Variants in POLR2F observed in about 807,000 individuals in gnomAD.
The protein encoded by POLR2F is RNA polymerase II, I and III subunit F, also known as DNA-directed RNA polymerases I, II, and III subunit RPABC2.
Under a neutral mutation model 22.7 loss-of-function variants are expected in POLR2F, and 12 were observed. That is an observed-to-expected ratio of 0.53 (90% CI 0.34 to 0.86). The LOEUF is 0.86. POLR2F is among the 40% of genes least tolerant of loss of function. The pLI is 0.02. For synonymous variants in POLR2F, 57 were observed against 66.0 expected, an observed-to-expected ratio of 0.86 and a Z score of 0.66; for missense variants, 126 against 171.5, an observed-to-expected ratio of 0.73 and a Z score of 1.48.
At chr22:38,034,252 TG>T (rs2085094008) in intron 5 of POLR2F, 1 of 168,068 alleles carries the variant, frequency 5.9e-6, no homozygotes, top group African/African-American at 2.4e-5. Context: ...AGGGCTGCAC[TG>T]GGCTCTCACT....
chr22:37,967,973 T>G lies in POLR2F; in HGVS notation c.*258T>G. ...CCACATCCTTCCCTCCATCTCCCTG[T>G]TCCCCAGAGCAAAGGCTGCTGCAGG... On this transcript the variant is annotated 3_prime_UTR_variant, in exon 5 of 5. Coordinates refer to ENST00000442738, the MANE Select transcript of POLR2F (RefSeq NM_021974.5). 5.4e-6 allele frequency: 6 copies of G among 1,105,348 alleles called. No individual in the cohort carries two copies. The highest frequency in any genetic ancestry group is 1.7e-5 in the African/African-American group (1 of 60,596). The allele number at this position is 1,105,348 out of a possible 1,614,324, so 68.5% of individuals were successfully genotyped here. A position where few individuals can be genotyped will look rare whatever the true frequency, so the allele number is the denominator to read the frequency against.
At position 37,953,722 on chromosome 22, in the gene POLR2F, A is replaced by T. The variant is rs1931224232; in HGVS notation, c.-66A>T. ...ATAAGCTAGGAGCCGCGCGAGTCGT[A>T]GTGTCGCTGTTTGCGGGTCTCCGCG... On this transcript the variant is annotated 5_prime_UTR_variant, in exon 1 of 5. Coordinates refer to ENST00000442738, the MANE Select transcript of POLR2F (RefSeq NM_021974.5). 6.4e-7 allele frequency: 1 copy of T among 1,570,058 alleles called. No homozygotes were observed. The highest frequency in any genetic ancestry group is 8.6e-7 in the Non-Finnish European group (1 of 1,158,824).
At chr22:37,989,215 G>A (rs1251154917) in intron 1 of POLR2F, among the ~76,000 whole-genome samples, 1 of 152,150 alleles carries the variant, frequency 6.6e-6, no homozygotes, top group South Asian at 2.1e-4. Flanking sequence ...GCATATGTAC[G>A]ATGTTGATAA....
downstream of POLR2F, among the ~76,000 whole-genome samples, chr22:38,030,214 G>A (rs1225254511): frequency 6.6e-6 from 1 of 152,108 alleles, no homozygotes; most frequent in African/African-American, 2.4e-5. Context: ...ACGACTCCCC[G>A]AAGATCCCCA....
At chr22:37,983,805 C>A, upstream of POLR2F, 1 of 1,418,226 alleles carries the variant, frequency 7.1e-7, no homozygotes, top group Admixed American at 2.6e-5. This position sits in a 1 kb window ranked among gnomAD's most constrained non-coding sequence, Gnocchi z 9.5. Flanking sequence ...GCCGCCGCCG[C>A]CGCCGCCTCG....
At chr22:37,998,783 GTCAC>G (rs1183245455) in intron 1 of POLR2F, among the ~76,000 whole-genome samples, 1 of 152,022 alleles carries the variant, frequency 6.6e-6, no homozygotes, top group Non-Finnish European at 1.5e-5. Context: ...CATCTGGGGT[GTCAC>G]TCAAGCACTG....
chr22:38,008,268 A>G (rs1158122220), intron 1 of POLR2F, among the ~76,000 whole-genome samples: 1 of 152,008 alleles, frequency 6.6e-6, no homozygotes, highest in East Asian at 1.9e-4. Flanking sequence ...ACATTAAAAA[A>G]GGCAGGCGCT....
upstream of POLR2F, among the ~76,000 whole-genome samples, chr22:37,982,392 C>T (rs752367510): frequency 1.3e-5 from 2 of 152,150 alleles, no homozygotes; most frequent in Non-Finnish European, 2.9e-5. Flanking sequence ...CTGGCACTCC[C>T]GGGTGGGAGT....
At chr22:37,987,396 C>T (rs1932613865) in intron 1 of POLR2F, 2 of 426,060 alleles carry the variant, frequency 4.7e-6, no homozygotes, top group Non-Finnish European at 9.5e-6. Context: ...AGAGCTGCCT[C>T]CGGTCAGCAG....
intron 1 of POLR2F, among the ~76,000 whole-genome samples, chr22:37,999,970 C>A (rs1379534834): frequency 6.6e-6 from 1 of 152,202 alleles, no homozygotes; most frequent in East Asian, 1.9e-4. Context: ...CTGCACCTGG[C>A]AGCCTGTGCC....
chr22:38,040,861 C>A, intron 5 of POLR2F: 1 of 714,394 alleles, frequency 1.4e-6, no homozygotes, highest in Non-Finnish European at 2.3e-6. Context: ...GTAATGGCAG[C>A]TTTTATAAAA....
At chr22:37,994,899 C>T (rs1216179482) in intron 1 of POLR2F, among the ~76,000 whole-genome samples, 2 of 152,206 alleles carry the variant, frequency 1.3e-5, no homozygotes, top group African/African-American at 4.8e-5. Context: ...CCCGCCTTGG[C>T]CTCCCAAAAT....
intron 3 of POLR2F, among the ~76,000 whole-genome samples, chr22:37,961,680 A>G (rs1259155956): frequency 1.3e-5 from 2 of 152,146 alleles, no homozygotes; most frequent in Non-Finnish European, 2.9e-5. Flanking sequence ...GGCTTTGAGA[A>G]AGCAGGGACT....
At chr22:38,013,990 C>T (rs111826439) in intron 1 of POLR2F, among the ~76,000 whole-genome samples, 87 of 151,930 alleles carry the variant, frequency 5.7e-4, no homozygotes, top group African/African-American at 2.0e-3. Flanking sequence ...GGCATGATGG[C>T]GCATGCCTGT....
chr22:38,022,500 G>A (rs527950724), intron 1 of POLR2F, among the ~76,000 whole-genome samples: 1 of 145,720 alleles, frequency 6.9e-6, no homozygotes, highest in East Asian at 2.0e-4. Context: ...GCAGTGACCC[G>A]AGATTGCGTC....
intron 5 of POLR2F, chr22:38,040,282 C>CAAA (rs58402199): frequency 0.52 from 30,608 of 58,322 alleles, 8,364 homozygotes; most frequent in Non-Finnish European, 0.56. Flanking sequence ...GACCCTGTCT[C>CAAA]AAAAAAAAAA....
chr22:37,968,628 AC>A lies in POLR2F; in HGVS notation c.*914del. On this transcript the variant is annotated 3_prime_UTR_variant, in exon 5 of 5. Coordinates refer to ENST00000442738, the MANE Select transcript of POLR2F (RefSeq NM_021974.5). ...CCCAACCTGAGGTAAGACCAGTCAC[AC>A]TGGCTCCTCCCTCCTAGAGGGGGTC... The A allele has an allele frequency of 1.0e-6, 1 of 985,514 alleles. No homozygotes were observed. Among genetic ancestry groups the A allele is most frequent in the Non-Finnish European group, 1.2e-6 (1 of 829,988 alleles). The allele number at this position is 985,514 out of a possible 1,614,324, so 61.0% of individuals were successfully genotyped here.
chr22:37,967,256 C>T (rs756767281), intron 4 of POLR2F, 86 bp downstream of exon 4: 2 of 1,593,540 alleles, frequency 1.3e-6, no homozygotes, highest in South Asian at 2.2e-5. Context: ...CTCCCACTTG[C>T]CTGGCTGGAG....
chr22:37,977,147 G>A (rs1308635349), intron 4 of POLR2F, among the ~76,000 whole-genome samples: 20 of 149,504 alleles, frequency 1.3e-4, no homozygotes, highest in Non-Finnish European at 1.9e-4. Flanking sequence ...TAGCCTGGGC[G>A]ACAGAGTGAG....
Sources: allele counts gnomAD v4.1 joint callset (sites outside exome capture counted in the v4.1 genomes callset), GRCh38; gene constraint gnomAD v4.1.1; non-coding constraint Gnocchi (gnomAD v3.1); transcripts MANE v1.5; gene names NCBI Gene and HGNC (gene_info 2026-07-23, HGNC 2026-07-21).